NRG1: variants seen among roughly 807,000 people sequenced by gnomAD.
The protein encoded by NRG1 is neuregulin 1, also known as pro-neuregulin-1, membrane-bound isoform.
Under a neutral mutation model 63.8 loss-of-function variants are expected in NRG1, and 18 were observed. That is an observed-to-expected ratio of 0.28 (90% CI 0.19 to 0.42). The LOEUF is 0.42. Ranked by LOEUF, NRG1 falls within the 10% of genes least tolerant of loss-of-function variation. NRG1 has a pLI of 1.00. For synonymous variants in NRG1, 302 were observed against 301.3 expected (o/e 1.00, Z -0.02); for missense variants, 762 against 814.7 (o/e 0.94, Z 0.79).
intron 1 of NRG1, among the ~76,000 whole-genome samples, chr8:32,040,279 A>G (rs1306748177): frequency 6.6e-6 from 1 of 152,200 alleles, no homozygotes; most frequent in East Asian, 1.9e-4. Context: ...CCATTTGCCT[A>G]TGTGTATTTC....
chr8:32,530,960 T>C (rs1383412250), intron 1 of NRG1, among the ~76,000 whole-genome samples: 4 of 152,054 alleles, frequency 2.6e-5, no homozygotes, highest in African/African-American at 7.2e-5. Flanking sequence ...TAGCCAGACA[T>C]GGTGGGAAGC....
chr8:31,812,791 A>G (rs1283117422), intron 1 of NRG1, among the ~76,000 whole-genome samples: 1 of 152,190 alleles, frequency 6.6e-6, no homozygotes. Context: ...CAGAAAAGGA[A>G]TTGAAATGTA....
intron 5 of NRG1, among the ~76,000 whole-genome samples, chr8:32,654,638 AT>A (rs1489689398): frequency 1.3e-5 from 2 of 150,846 alleles, no homozygotes; most frequent in African/African-American, 4.9e-5. Flanking sequence ...CAAAAAAAAA[AT>A]AATTTTACCT....
intron 1 of NRG1, among the ~76,000 whole-genome samples, chr8:31,831,628 A>G (rs1282544229): frequency 1.3e-5 from 2 of 152,160 alleles, no homozygotes; most frequent in Admixed American, 6.5e-5. Context: ...GACAGGGTCA[A>G]TTTTGGGTAT....
chr8:31,853,769 A>G (rs981562683), intron 1 of NRG1, among the ~76,000 whole-genome samples: 1 of 151,946 alleles, frequency 6.6e-6, no homozygotes, highest in African/African-American at 2.4e-5. Flanking sequence ...AGCTCTTATT[A>G]TTTTGAAATA....
chr8:31,920,746 G>A (rs996176988), intron 1 of NRG1, among the ~76,000 whole-genome samples: 11 of 152,206 alleles, frequency 7.2e-5, no homozygotes, highest in Non-Finnish European at 1.3e-4. Flanking sequence ...TCAAAGGGTT[G>A]TTGTGAGGAT....
At chr8:32,166,223 G>T (rs759183656) in intron 1 of NRG1, among the ~76,000 whole-genome samples, 8 of 152,122 alleles carry the variant, frequency 5.3e-5, no homozygotes, top group African/African-American at 1.7e-4. Context: ...TGAGAGAGGA[G>T]CAATATGTTT....
chr8:32,417,050 A>G (rs1341228339), intron 1 of NRG1, among the ~76,000 whole-genome samples: 1 of 152,174 alleles, frequency 6.6e-6, no homozygotes, highest in African/African-American at 2.4e-5. Flanking sequence ...AAATCATGCA[A>G]GTGGCTGTCT....
intron 1 of NRG1, among the ~76,000 whole-genome samples, chr8:32,276,215 G>A (rs1385206641): frequency 6.6e-6 from 1 of 151,926 alleles, no homozygotes; most frequent in African/African-American, 2.4e-5. Flanking sequence ...ACCCCTCCCT[G>A]CCTCTAATGA....
intron 1 of NRG1, among the ~76,000 whole-genome samples, chr8:32,176,830 A>G (rs946836842): frequency 1.4e-4 from 22 of 152,240 alleles, no homozygotes; most frequent in African/African-American, 4.3e-4. Context: ...AGGAAACAAC[A>G]GGTGCTGGAG....
chr8:31,825,523 G>A (rs1170521011), intron 1 of NRG1, among the ~76,000 whole-genome samples: 5 of 152,192 alleles, frequency 3.3e-5, no homozygotes, highest in African/African-American at 9.7e-5. Context: ...TATTAACACA[G>A]TTATCCTTAC....
At chr8:32,436,946 A>G (rs1587648399) in intron 1 of NRG1, among the ~76,000 whole-genome samples, 2 of 152,182 alleles carry the variant, frequency 1.3e-5, no homozygotes, top group East Asian at 1.9e-4. Context: ...GCACTATGCC[A>G]TACTCAGCAC....
chr8:32,211,165 G>A (rs1294891831), intron 1 of NRG1, among the ~76,000 whole-genome samples: 1 of 152,110 alleles, frequency 6.6e-6, no homozygotes, highest in African/African-American at 2.4e-5. Context: ...AATAAGCAAA[G>A]ATAAAGGGGA....
chr8:32,544,474 TA>T (rs1832868205), upstream of NRG1, among the ~76,000 whole-genome samples: 1 of 692 alleles, frequency 1.4e-3, no homozygotes, highest in Non-Finnish European at 3.2e-3. Flanking sequence ...CCTAGCTTAT[TA>T]TTTATTTATT....
chr8:32,118,840 T>C (rs1833078790), intron 1 of NRG1, among the ~76,000 whole-genome samples: 1 of 152,034 alleles, frequency 6.6e-6, no homozygotes, highest in African/African-American at 2.4e-5. Context: ...CCTTTCTTCA[T>C]AGGTTGAAAC....
At chr8:32,148,049 G>T in intron 1 of NRG1, among the ~76,000 whole-genome samples, 1 of 151,978 alleles carries the variant, frequency 6.6e-6, no homozygotes. Flanking sequence ...GAAAACAAAG[G>T]TTTTTTTGTT....
intron 1 of NRG1, among the ~76,000 whole-genome samples, chr8:32,021,700 C>A (rs1263338606): frequency 2.0e-5 from 2 of 97,966 alleles, no homozygotes; most frequent in East Asian, 4.4e-4. Flanking sequence ...CCTTCAGAAT[C>A]ATAAAAAATG....
intron 1 of NRG1, among the ~76,000 whole-genome samples, chr8:31,756,543 A>G (rs1169483211): frequency 6.6e-6 from 1 of 152,130 alleles, no homozygotes; most frequent in Non-Finnish European, 1.5e-5. Flanking sequence ...GGGAAAGGGT[A>G]GTAAACTCCT....
chr8:32,640,064 T>C (rs904470154), intron 5 of NRG1, among the ~76,000 whole-genome samples: 16 of 152,216 alleles, frequency 1.1e-4, no homozygotes, highest in Non-Finnish European at 1.9e-4. Flanking sequence ...TGAGCTGTGC[T>C]GCTCTATGCC....
Sources: gnomAD v4.1 joint callset for allele counts (sites outside exome capture counted in the v4.1 genomes callset) on GRCh38, gnomAD v4.1.1 for gene constraint, MANE v1.5 for transcripts, NCBI Gene and HGNC (gene_info 2026-07-23, HGNC 2026-07-21) for gene names.